Variants in PRKDC observed in about 807,000 individuals in gnomAD.
The protein encoded by PRKDC is DNA-dependent protein kinase catalytic subunit.
In PRKDC, 82 loss-of-function variants were observed where a neutral mutation model predicts 486.9. That is an observed-to-expected ratio of 0.17 (90% CI 0.14 to 0.20). The LOEUF is 0.20. PRKDC is among the 10% of genes least tolerant of loss of function. PRKDC has a pLI of 1.00. For missense variants in PRKDC, 4,504 were observed against 5,038.2 expected (o/e 0.89, Z 3.21); for synonymous variants, 1,895 against 1,837.0 (o/e 1.03, Z -0.81).
intron 68 of PRKDC, among the ~76,000 whole-genome samples, chr8:47,815,361 T>C (rs556865195): frequency 4.6e-5 from 7 of 152,318 alleles, no homozygotes; most frequent in African/African-American, 1.7e-4. Context: ...TGCGGCTAGA[T>C]AGATATCTAT....
At chr8:47,932,710 T>C (rs947002965) in intron 16 of PRKDC, among the ~76,000 whole-genome samples, 6 of 152,172 alleles carry the variant, frequency 3.9e-5, no homozygotes, top group African/African-American at 9.7e-5. Context: ...TACAAAGTCA[T>C]TTCTACATAA....
chr8:47,951,551 G>A (rs113047463), intron 7 of PRKDC, among the ~76,000 whole-genome samples: 4 of 151,926 alleles, frequency 2.6e-5, no homozygotes, highest in South Asian at 2.1e-4. Context: ...AGGCAAGACC[G>A]TGTCTCTACA....
chr8:47,889,026 A>G lies in PRKDC; in HGVS notation c.4268T>C (p.Ile1423Thr), dbSNP rs1223967852. The change falls in exon 33 of 86, where the codon ATA (isoleucine) becomes ACA (threonine). Residue 1423 changes from isoleucine to threonine, a missense_variant. Physicochemically the swap from Ile to Thr is moderately conservative, Grantham distance 89. Transcript: ENST00000314191. ...CCCAAGTACCCACCTCTGTGCTGTTATTTTCTCTCTCAGATGGGTCTCTAG... is the reference window on the plus strand; with the variant it reads ...CCCAAGTACCCACCTCTGTGCTGTTGTTTTCTCTCTCAGATGGGTCTCTAG... The part of the protein sequence containing the change: ...DILETHLREK[I>T]TAQSIEELCA... 1 of 1,613,618 alleles carries G rather than the reference A, an allele frequency of 6.2e-7. No individual in the cohort carries two copies. Among genetic ancestry groups the G allele is most frequent in the Non-Finnish European group, 8.5e-7 (1 of 1,179,664 alleles).
At position 47,821,710 on chromosome 8, in the gene PRKDC, T is replaced by A. The variant is rs1021370245; in HGVS notation, c.9005A>T (p.Tyr3002Phe). 1 of 1,601,134 alleles carries A rather than the reference T, an allele frequency of 6.2e-7. No individual in the cohort carries two copies. Among genetic ancestry groups the A allele is most frequent in the Non-Finnish European group, 8.5e-7 (1 of 1,173,258 alleles). ...TGATTTCCACTCAGCAAGGTGGTTG[T>A]AACAGTCAAGGGATGCAAGTTCCCA... Reference protein sequence around the residue: ...DFWELASLDCYNHLAEWKSLE... With the variant: ...DFWELASLDCFNHLAEWKSLE... The change falls in exon 65 of 86, where the codon TAC becomes TTC. Residue 3002 changes from tyrosine (Y) to phenylalanine (F), a missense_variant. Physicochemically the swap from Tyr to Phe is conservative, Grantham distance 22. This residue lies in a region of PRKDC where 1,592 missense variants were observed against 1,724.6 expected (regional missense o/e 0.92). Coordinates refer to ENST00000314191, the MANE Select transcript of PRKDC (RefSeq NM_006904.7).
chr8:47,898,796 G>A (rs1016251469), intron 28 of PRKDC, among the ~76,000 whole-genome samples: 4 of 152,210 alleles, frequency 2.6e-5, no homozygotes, highest in African/African-American at 9.6e-5. Flanking sequence ...AGCATGGTGC[G>A]TGCACGCACA....
intron 11 of PRKDC, among the ~76,000 whole-genome samples, chr8:47,937,125 G>A (rs2090366711): frequency 6.6e-6 from 1 of 150,902 alleles, no homozygotes; most frequent in Non-Finnish European, 1.5e-5. Context: ...GCCAGGCATG[G>A]TGGCGCACAA....
At chr8:47,840,213 C>G (rs1243354100) in intron 54 of PRKDC, 24 bp from the exon 55 acceptor site, 1 of 1,545,966 alleles carries the variant, frequency 6.5e-7, no homozygotes, top group Non-Finnish European at 8.8e-7. Flanking sequence ...TTTAAAAACA[C>G]ACAAATTTAG....
At chr8:47,798,198 G>A (rs1030286496) in intron 73 of PRKDC, 39 bp downstream of exon 73, 4 of 1,592,254 alleles carry the variant, frequency 2.5e-6, no homozygotes, top group African/African-American at 1.4e-5. Context: ...TTTAAGTTCT[G>A]TAAAGTTCCT....
At chr8:47,797,407 A>T (rs559640130) in intron 73 of PRKDC, among the ~76,000 whole-genome samples, 3 of 152,328 alleles carry the variant, frequency 2.0e-5, no homozygotes, top group Admixed American at 2.0e-4. Flanking sequence ...GAGAAAGTCT[A>T]CTATTCAGAA....
At position 47,839,214 on chromosome 8, in the gene PRKDC, T is replaced by A; in HGVS notation, c.7487A>T (p.Gln2496Leu). 6.2e-7 allele frequency: 1 copy of A among 1,613,786 alleles called. No individual in the cohort carries two copies. Among genetic ancestry groups the A allele is most frequent in the Non-Finnish European group, 8.5e-7 (1 of 1,179,730 alleles). The change falls in exon 56 of 86, where the codon CAG (glutamine) becomes CTG (leucine). Residue 2496 changes from glutamine (Q) to leucine (L), a missense_variant. By Grantham distance (113) the Gln-to-Leu change is moderately radical. This residue lies in a region of PRKDC where 1,592 missense variants were observed against 1,724.6 expected (regional missense o/e 0.92). Coordinates refer to ENST00000314191, the MANE Select transcript of PRKDC (RefSeq NM_006904.7). Reference protein sequence around the residue: ...DPESETDNDSQEIFKLAKDVL... With the variant: ...DPESETDNDSLEIFKLAKDVL... Reference sequence around the variant, plus strand: ...ATCTTTTGCCAACTTAAATATTTCCTGGGAGTCATTATCTGTCTCACTTTC... The same window carrying A: ...ATCTTTTGCCAACTTAAATATTTCCAGGGAGTCATTATCTGTCTCACTTTC...
Position 47,834,198 on chromosome 8 carries a change from T to G in PRKDC, c.8150A>C (p.Lys2717Thr). The change falls in exon 59 of 86, where the codon AAA becomes ACA. Residue 2717 changes from lysine (K) to threonine (T), a missense_variant and splice_region_variant. Lys to Thr is a moderately conservative substitution (Grantham distance 78). This residue lies in a region of PRKDC where 1,592 missense variants were observed against 1,724.6 expected (regional missense o/e 0.92). Coordinates refer to ENST00000314191, the MANE Select transcript of PRKDC (RefSeq NM_006904.7). ...GCACACTCAGCAACCCAGCTTACCTTTCACTTTGTTATCCACCTCGTCCCC... is the reference window on the plus strand; with the variant it reads ...GCACACTCAGCAACCCAGCTTACCTGTCACTTTGTTATCCACCTCGTCCCC... ...LPGDEVDNKV[K>T]GAAGRTDLLR... 6.2e-7 allele frequency: 1 copy of G among 1,614,020 alleles called. No individual in the cohort carries two copies. The highest frequency in any genetic ancestry group is 8.5e-7 in the Non-Finnish European group (1 of 1,179,898).
intron 40 of PRKDC, among the ~76,000 whole-genome samples, chr8:47,867,744 G>C (rs1223757656): frequency 6.6e-6 from 1 of 152,180 alleles, no homozygotes; most frequent in Admixed American, 6.5e-5. Context: ...AATTTTAATA[G>C]TAAAAAATTT....
chr8:47,901,482 AAAAC>A (rs1489596239), intron 27 of PRKDC, among the ~76,000 whole-genome samples: 1 of 152,152 alleles, frequency 6.6e-6, no homozygotes, highest in African/African-American at 2.4e-5. Context: ...TCCAAAAACA[AAAAC>A]AAAAAAAAAT....
At chr8:47,920,663 T>A (rs2090056216) in intron 21 of PRKDC, among the ~76,000 whole-genome samples, 1 of 152,226 alleles carries the variant, frequency 6.6e-6, no homozygotes, top group African/African-American at 2.4e-5. Flanking sequence ...AAGTTTAATA[T>A]TTTGGTTTAA....
chr8:47,959,095 C>A (rs1056005794), intron 1 of PRKDC: 1 of 152,020 alleles, frequency 6.6e-6, no homozygotes, highest in African/African-American at 2.4e-5. Flanking sequence ...ACTACTAGAC[C>A]CTCCGGAAGA....
At position 47,912,506 on chromosome 8, in the gene PRKDC, C is replaced by T. The variant is rs1200358191; in HGVS notation, c.2838G>A (p.Thr946=). The T allele has an allele frequency of 1.6e-5, 26 of 1,612,460 alleles. No individual in the cohort carries two copies. The East Asian group carries it at 1.8e-4, about 11-fold the overall frequency. The change falls in exon 25 of 86, where the codon ACG becomes ACA. Residue 946 remains threonine, a synonymous_variant. Coordinates refer to ENST00000314191, the MANE Select transcript of PRKDC (RefSeq NM_006904.7). ...CTCCCTGTCCCCCTTCTGGCATCTG[C>T]GTGGCTTTGCCCAACATAAACATAA... is the stretch of plus-strand genomic sequence containing the variant. ...SMVMFMLGKA[T]QMPEGGQGAP...
Position 47,913,988 on chromosome 8 carries a change from A to C in PRKDC, c.2694T>G (p.Phe898Leu), listed in dbSNP as rs768585182. 9 of 1,609,416 alleles carry C rather than the reference A, an allele frequency of 5.6e-6. No homozygotes were observed. The East Asian group carries it at 2.0e-4, about 36-fold the overall frequency. ...REKRLSFAVP[F>L]REMKPVIFLD... ...GGAAAATGACAGGTTTCATCTCTCT[A>C]AAGGGCACTGCAAAGCTCAGCCGCT... Residue 898 changes from phenylalanine (F) to leucine (L), a missense_variant, in exon 24 of 86, where the codon TTT becomes TTG. Coordinates refer to ENST00000314191, the MANE Select transcript of PRKDC (RefSeq NM_006904.7).
At chr8:47,883,694 C>G (rs1008601014) in intron 36 of PRKDC, among the ~76,000 whole-genome samples, 1 of 152,250 alleles carries the variant, frequency 6.6e-6, no homozygotes, top group Admixed American at 6.5e-5. Flanking sequence ...TTCCCAAGAG[C>G]CTTTTTTGTT....
chr8:47,950,959 C>T (rs780169873), intron 7 of PRKDC, among the ~76,000 whole-genome samples: 25 of 152,180 alleles, frequency 1.6e-4, no homozygotes, highest in Middle Eastern at 3.4e-3. Flanking sequence ...GTACTTTTGC[C>T]TGGGGAGACC....
Sources: gnomAD v4.1 joint callset for allele counts (sites outside exome capture counted in the v4.1 genomes callset) on GRCh38, gnomAD v4.1.1 for gene constraint, gnomAD v4.1.1 regional missense constraint, MANE v1.5 for transcripts, NCBI Gene and HGNC (gene_info 2026-07-23, HGNC 2026-07-21) for gene names.